The following RACGAP1 variants were observed in gnomAD, a reference collection of about 807,000 sequenced individuals.
The protein encoded by RACGAP1 is rac GTPase-activating protein 1.
A neutral mutation model predicts 78.1 loss-of-function variants in RACGAP1; 30 were observed. The observed-to-expected ratio is 0.38, with a 90% CI of 0.29 to 0.52. The LOEUF (loss-of-function observed/expected upper bound fraction) is 0.52, where lower values mean the gene tolerates loss of function less well. Ranked by LOEUF, RACGAP1 falls within the 20% of genes least tolerant of loss-of-function variation. RACGAP1 has a pLI of 0.82. For missense variants in RACGAP1, 587 were observed against 777.1 expected (o/e 0.76, Z 2.91); for synonymous variants, 231 against 264.8 (o/e 0.87, Z 1.24).
intron 2 of RACGAP1, among the ~76,000 whole-genome samples, chr12:50,010,281 A>G (rs555735034): frequency 2.0e-5 from 3 of 151,388 alleles, no homozygotes; most frequent in African/African-American, 7.3e-5. Context: ...TTTCATTCTG[A>G]TCTTCCTGTA....
Position 49,998,264 on chromosome 12 carries a change from C to A in RACGAP1, c.879+877G>T, listed in dbSNP as rs1050852057. On this transcript the variant is annotated intron_variant, in intron 9 of 16. Transcript: ENST00000312377. ...CTAAAAGTACAAAAAATTGGCCGGG[C>A]ATGGTGGTGGGCACCTGTAATCCCA... Among the ~76,000 whole-genome samples, 12 of 152,006 alleles carry A rather than the reference C, an allele frequency of 7.9e-5. 1 individual carries two copies. Among genetic ancestry groups the A allele is most frequent in the Non-Finnish European group, 1.6e-4 (11 of 68,018 alleles).
At chr12:50,029,798 CAGG>C (rs1448396142), upstream of RACGAP1, among the ~76,000 whole-genome samples, 3 of 151,730 alleles carry the variant, frequency 2.0e-5, no homozygotes. Flanking sequence ...GAGGCTGAGG[CAGG>C]AGAATTGCTT....
rs551883894 is a variant in RACGAP1 at position 50,018,496 on chromosome 12, T to C, written c.-4-1777A>G. Reference sequence around the variant, plus strand: ...ATGGAGATGCCATGGATTTAACATATAATGAAATAGGCAACATACCCTAAG... The same window carrying C: ...ATGGAGATGCCATGGATTTAACATACAATGAAATAGGCAACATACCCTAAG... On this transcript the variant is annotated intron_variant, in intron 1 of 16. Coordinates refer to ENST00000312377, the MANE Select transcript of RACGAP1 (RefSeq NM_001319999.2). 9.5e-5 allele frequency: 119 copies of C among 1,256,702 alleles called. 1 individual carries two copies. In the African/African-American group the frequency reaches 1.4e-3, roughly 14 times the overall value. 77.8% of individuals were successfully genotyped at this position (1,256,702 alleles called of 1,614,324 possible).
chr12:50,003,704 G>A lies in RACGAP1; in HGVS notation c.495+531C>T, dbSNP rs566502835. Among the ~76,000 whole-genome samples, 3 of 152,242 alleles carry A rather than the reference G, an allele frequency of 2.0e-5. No homozygotes were observed. The South Asian group carries it at 6.2e-4, about 32-fold the overall frequency. The stretch of plus-strand genomic sequence containing the variant: ...AAGTGTGCCGCCCCATAAAAGCAGG[G>A]CAACAAATAGTTTAACATGTTAACC... On this transcript the variant is annotated intron_variant, in intron 5 of 16. Coordinates refer to ENST00000312377, the MANE Select transcript of RACGAP1 (RefSeq NM_001319999.2).
chr12:50,014,109 T>C (rs1195317797), intron 2 of RACGAP1, among the ~76,000 whole-genome samples: 1 of 152,142 alleles, frequency 6.6e-6, no homozygotes, highest in Non-Finnish European at 1.5e-5. Context: ...AAAAAAAATA[T>C]TGAATGGCAT....
intron 1 of RACGAP1, among the ~76,000 whole-genome samples, chr12:50,022,723 C>G (rs1265249438): frequency 1.3e-5 from 2 of 152,188 alleles, no homozygotes; most frequent in Non-Finnish European, 2.9e-5. Context: ...TCATACATTA[C>G]ATATAATTTT....
upstream of RACGAP1, among the ~76,000 whole-genome samples, chr12:50,026,040 A>G (rs1034926924): frequency 2.6e-5 from 4 of 152,276 alleles, no homozygotes; most frequent in Non-Finnish European, 5.9e-5. Context: ...AGCTCTAGAA[A>G]ACAAAAATAA....
At chr12:50,015,797 A>C (rs1184696506) in intron 2 of RACGAP1, among the ~76,000 whole-genome samples, 1 of 151,532 alleles carries the variant, frequency 6.6e-6, no homozygotes, top group African/African-American at 2.4e-5. Flanking sequence ...GCAAGACTCC[A>C]TCTCAAAAAT....
At chr12:50,030,712 A>G (rs2137778287) in intron 2 of RACGAP1, among the ~76,000 whole-genome samples, 1 of 152,198 alleles carries the variant, frequency 6.6e-6, no homozygotes. Context: ...AACAAAAACC[A>G]TAATATATAT....
intron 16 of RACGAP1, 41 bp downstream of exon 16, chr12:49,990,643 G>A: frequency 6.9e-7 from 1 of 1,443,764 alleles, no homozygotes; most frequent in Non-Finnish European, 9.6e-7. Context: ...GTCTAAGAAA[G>A]TAGTTGTTTT....
chr12:50,031,341 T>C (rs987142848), intron 2 of RACGAP1, among the ~76,000 whole-genome samples: 1 of 150,848 alleles, frequency 6.6e-6, no homozygotes, highest in East Asian at 2.0e-4. Context: ...TAGCCGGCCA[T>C]TGTGGTGTGT....
At chr12:49,997,324 G>A (rs1243541715) in intron 9 of RACGAP1, 120 bp from the exon 10 acceptor site, 28 of 1,325,010 alleles carry the variant, frequency 2.1e-5, no homozygotes. Flanking sequence ...GCCTGGGCTG[G>A]AGTGCAGTGG....
Position 49,997,573 on chromosome 12 carries a change from C to CT in RACGAP1, c.880-370dup, listed in dbSNP as rs572270478. Reference sequence around the variant, plus strand: ...ACAGGCGTGAGCCACTGGGCCTGGCCTTTTTTTGTCTTTTTTTGAGACAGA... The same window carrying CT: ...ACAGGCGTGAGCCACTGGGCCTGGCCTTTTTTTTGTCTTTTTTTGAGACAGA... On this transcript the variant is annotated intron_variant, in intron 9 of 16. Transcript: ENST00000312377. Among the ~76,000 whole-genome samples, 242 of 151,090 alleles carry CT rather than the reference C, an allele frequency of 1.6e-3. 2 individuals carry two copies. In the South Asian group the frequency reaches 0.016, roughly 10 times the overall value.
At position 49,992,305 on chromosome 12, in the gene RACGAP1, G is replaced by C; in HGVS notation, c.1518C>G (p.Ala506=). 2 of 1,614,114 alleles carry C rather than the reference G, an allele frequency of 1.2e-6. No homozygotes were observed. The highest frequency in any genetic ancestry group is 1.7e-6 in the Non-Finnish European group (2 of 1,180,036). The change falls in exon 14 of 17, where the codon GCC becomes GCG. Residue 506 remains alanine (A), a synonymous_variant. Coordinates refer to ENST00000312377, the MANE Select transcript of RACGAP1 (RefSeq NM_001319999.2). ...CTGGGTCTGGATTGGGCACAGCATG[G>C]GCCACTATTGTAGGGCCAAAGACTT... ...LAKVFGPTIV[A]HAVPNPDPVT... is the part of the protein sequence containing the mutation.
chr12:50,007,863 A>G (rs1236632048), intron 2 of RACGAP1, among the ~76,000 whole-genome samples: 1 of 151,858 alleles, frequency 6.6e-6, no homozygotes, highest in Non-Finnish European at 1.5e-5. Context: ...GTTTTAAGAA[A>G]TAATATGCTG....
intron 2 of RACGAP1, among the ~76,000 whole-genome samples, chr12:50,010,317 A>AC (rs1199037656): frequency 6.1e-4 from 85 of 139,922 alleles, no homozygotes; most frequent in African/African-American, 2.4e-3. Flanking sequence ...TCTTTTTTTA[A>AC]CTTTTTTTTT....
chr12:50,005,249 C>A lies in RACGAP1; in HGVS notation c.425+7G>T. 6.2e-7 allele frequency: 1 copy of A among 1,613,894 alleles called. No homozygotes were observed. The highest frequency in any genetic ancestry group is 1.1e-5 in the South Asian group (1 of 91,050). ...TGATAGGATAACAACAGATGCAGTT[C>A]CTCCACCTTTTGTTCCCAGCATTGC... On this transcript the variant is annotated splice_region_variant and intron_variant, in intron 4 of 16. Transcript: ENST00000312377.
chr12:49,997,739 G>A (rs1462239484), intron 9 of RACGAP1, among the ~76,000 whole-genome samples: 7 of 151,716 alleles, frequency 4.6e-5, no homozygotes, highest in Non-Finnish European at 7.4e-5. Context: ...CACCACGCCC[G>A]GCTAATTTTT....
intron 7 of RACGAP1, 33 bp from the exon 8 acceptor site, chr12:49,999,766 C>G (rs1592152550): frequency 1.3e-6 from 2 of 1,523,232 alleles, no homozygotes; most frequent in Non-Finnish European, 1.8e-6. Context: ...GAAAGACAAA[C>G]AAAGAATCTA....
Sources: allele counts gnomAD v4.1 joint callset (sites outside exome capture counted in the v4.1 genomes callset), GRCh38; gene constraint gnomAD v4.1.1; transcripts MANE v1.5; gene names NCBI Gene and HGNC (gene_info 2026-07-23, HGNC 2026-07-21).